The following ITSN1 variants were observed in gnomAD, a reference collection of about 807,000 sequenced individuals.
ITSN1 encodes intersectin 1.
ITSN1 carries 58 observed loss-of-function variants against 239.8 expected under a neutral mutation model. The ratio of observed to expected loss-of-function variants is 0.24; its 90% CI spans 0.20 to 0.30. The LOEUF (loss-of-function observed/expected upper bound fraction) is 0.30, where lower values mean the gene tolerates loss of function less well. Among genes scored for constraint, ITSN1 ranks in the 10% least tolerant of loss-of-function variants. The pLI is 1.00. For missense variants in ITSN1, 1,558 were observed against 2,103.3 expected (o/e 0.74, Z 5.07); for synonymous variants, 780 against 770.8 (o/e 1.01, Z -0.20).
intron 5 of ITSN1, among the ~76,000 whole-genome samples, chr21:33,749,515 A>G (rs1478205273): frequency 1.3e-5 from 2 of 151,908 alleles, no homozygotes; most frequent in African/African-American, 2.4e-5. Context: ...GGTGGTGGGC[A>G]CCTGTAATCC....
chr21:33,753,532 G>A (rs564925218), intron 7 of ITSN1, among the ~76,000 whole-genome samples: 114 of 152,190 alleles, frequency 7.5e-4, no homozygotes, highest in Non-Finnish European at 1.2e-3. Context: ...GTAGGCCAAG[G>A]TGGGCAGATC....
chr21:33,858,804 C>T lies in ITSN1; in HGVS notation c.3890+12C>T. On this transcript the variant is annotated intron_variant, in intron 31 of 39. Coordinates refer to ENST00000381318, the MANE Select transcript of ITSN1 (RefSeq NM_003024.3). ...ATCAAACTACTAAAGTAAGCCTCTC[C>T]TCTAATCCCCAGCCTGGCTTGGCCT... is the stretch of plus-strand genomic sequence containing the variant. The T allele has an allele frequency of 6.5e-7, 1 of 1,549,450 alleles. No homozygotes were observed.
intron 14 of ITSN1, among the ~76,000 whole-genome samples, chr21:33,776,295 T>C (rs2069601605): frequency 6.6e-6 from 1 of 150,418 alleles, no homozygotes; most frequent in South Asian, 2.1e-4. Context: ...GTCACACCTG[T>C]AAACCCAATA....
chr21:33,888,206 C>T lies in ITSN1; in HGVS notation c.5072C>T (p.Ser1691Phe). 4 of 1,614,100 alleles carry T rather than the reference C, an allele frequency of 2.5e-6. No individual in the cohort carries two copies. Among genetic ancestry groups the T allele is most frequent in the Non-Finnish European group, 3.4e-6 (4 of 1,180,006 alleles). ...GCGGACATCAAGAAAGACCAGGGCT[C>T]CAAAGGTCCAGTTACGAAGTGTCTT... The part of the protein sequence containing the change: ...RVADIKKDQG[S>F]KGPVTKCLLL... The change falls in exon 40 of 40, where the codon TCC becomes TTC. Residue 1691 changes from serine to phenylalanine, a missense_variant. Transcript: ENST00000381318.
At chr21:33,699,891 T>G (rs940753200) in intron 1 of ITSN1, among the ~76,000 whole-genome samples, 1 of 152,056 alleles carries the variant, frequency 6.6e-6, no homozygotes. Context: ...CCTCCCCAAG[T>G]AGCTGGGATT....
At chr21:33,755,235 G>A (rs190627406) in intron 7 of ITSN1, 62 bp from the exon 8 acceptor site, 321 of 869,570 alleles carry the variant, frequency 3.7e-4, no homozygotes, top group Non-Finnish European at 5.2e-4. Flanking sequence ...TGTCATTAAG[G>A]AACTTTACCA....
chr21:33,733,120 A>G (rs572431684), intron 4 of ITSN1, among the ~76,000 whole-genome samples: 84 of 152,092 alleles, frequency 5.5e-4, no homozygotes, highest in East Asian at 1.2e-3. Context: ...ACCAAGGGGG[A>G]AAAAAAACCT....
chr21:33,690,456 C>T (rs549351716), intron 1 of ITSN1, among the ~76,000 whole-genome samples: 98 of 150,912 alleles, frequency 6.5e-4, no homozygotes, highest in South Asian at 1.1e-3. Flanking sequence ...AAAAAGTAGC[C>T]GGTCATGGTG....
chr21:33,810,074 G>A (rs2072790497), intron 20 of ITSN1, among the ~76,000 whole-genome samples: 1 of 152,190 alleles, frequency 6.6e-6, no homozygotes, highest in South Asian at 2.1e-4. Flanking sequence ...TTACAGGCAT[G>A]AGCCACCGTG....
intron 12 of ITSN1, among the ~76,000 whole-genome samples, chr21:33,773,379 C>T (rs151236408): frequency 0.014 from 2,195 of 152,142 alleles, 61 homozygotes; most frequent in African/African-American, 0.05. Flanking sequence ...TGGAAGGCTT[C>T]GTAAATTTAG....
chr21:33,749,524 C>T (rs58557718), intron 5 of ITSN1, among the ~76,000 whole-genome samples: 10,124 of 151,948 alleles, frequency 0.067, 580 homozygotes, highest in East Asian at 0.26. Flanking sequence ...CACCTGTAAT[C>T]CCAGCTATTC....
chr21:33,712,893 T>G (rs2092454959), intron 1 of ITSN1, among the ~76,000 whole-genome samples: 5 of 152,210 alleles, frequency 3.3e-5, no homozygotes, highest in Admixed American at 3.3e-4. Flanking sequence ...ATTTTTATTT[T>G]TGAGACTGAG....
intron 4 of ITSN1, among the ~76,000 whole-genome samples, chr21:33,730,580 T>G (rs1197808001): frequency 6.6e-6 from 1 of 151,886 alleles, no homozygotes; most frequent in Non-Finnish European, 1.5e-5. Context: ...TTTTGTATTT[T>G]TAGTAGAGAT....
chr21:33,755,968 T>A (rs1319545327), intron 8 of ITSN1, among the ~76,000 whole-genome samples: 1 of 152,184 alleles, frequency 6.6e-6, no homozygotes, highest in Non-Finnish European at 1.5e-5. Context: ...TTTAGCATAC[T>A]GTTCAAAATT....
In ITSN1 at chr21:33,865,362, G is replaced by A; in HGVS notation, c.4074+28G>A. ...AAGGAGCCAGGCTGTGCAGAGACTG[G>A]GCCCCAGAGTGGCGATCTTTGGGCA... On this transcript the variant is annotated intron_variant, in intron 32 of 39. Transcript: ENST00000381318. This position sits in a 1 kb window ranked among gnomAD's most constrained non-coding sequence, Gnocchi z 4.4. 1 of 1,489,470 alleles carries A rather than the reference G, an allele frequency of 6.7e-7. No homozygotes were observed. The highest frequency in any genetic ancestry group is 9.0e-7 in the Non-Finnish European group (1 of 1,113,100). The allele number at this position is 1,489,470 out of a possible 1,614,324, so 92.3% of individuals were successfully genotyped here.
At chr21:33,830,545 C>T (rs996729421) in intron 27 of ITSN1, among the ~76,000 whole-genome samples, 4 of 151,600 alleles carry the variant, frequency 2.6e-5, no homozygotes, top group African/African-American at 9.7e-5. Flanking sequence ...GAGGGAGTGA[C>T]TGGTCTTCAA....
At chr21:33,758,155 T>G (rs2068052159) in intron 8 of ITSN1, among the ~76,000 whole-genome samples, 1 of 152,114 alleles carries the variant, frequency 6.6e-6, no homozygotes, top group Admixed American at 6.6e-5. Flanking sequence ...AGTACTGGGA[T>G]TACAGGCACC....
rs1487540519 is a variant in ITSN1, at chr21:33,829,052, T to C, written c.3230-572T>C. 6.4e-6 allele frequency: 3 copies of C among 465,918 alleles called. No individual in the cohort carries two copies. In the Admixed American group the frequency reaches 7.1e-5, roughly 11 times the overall value. 28.9% of individuals were successfully genotyped at this position (465,918 alleles called of 1,614,324 possible). On this transcript the variant is annotated intron_variant, in intron 26 of 39. Coordinates refer to ENST00000381318, the MANE Select transcript of ITSN1 (RefSeq NM_003024.3). ...ATATTCAGGGATCACTCTCAAAATG[T>C]GAGCCATAAAGAAGAAGGCTGTGTC...
intron 39 of ITSN1, among the ~76,000 whole-genome samples, chr21:33,887,887 C>T (rs929373624): frequency 3.3e-4 from 50 of 152,022 alleles, no homozygotes; most frequent in South Asian, 2.1e-4. Context: ...GGATTACAGA[C>T]GCGAGCCACT....
Sources: allele counts gnomAD v4.1 joint callset (sites outside exome capture counted in the v4.1 genomes callset), GRCh38; gene constraint gnomAD v4.1.1; non-coding constraint Gnocchi (gnomAD v3.1); transcripts MANE v1.5; gene names NCBI Gene and HGNC (gene_info 2026-07-23, HGNC 2026-07-21).